DSG3: variants seen among roughly 807,000 people sequenced by gnomAD.
The protein encoded by DSG3 is desmoglein 3.
A neutral mutation model predicts 85.9 loss-of-function variants in DSG3; 63 were observed. The ratio of observed to expected loss-of-function variants is 0.73; its 90% CI spans 0.60 to 0.90. The LOEUF (loss-of-function observed/expected upper bound fraction) is 0.90. DSG3 is among the 40% of genes least tolerant of loss of function. The pLI is 0.00. For synonymous variants in DSG3, 447 were observed against 441.9 expected (o/e 1.01, Z -0.14); for missense variants, 1,220 against 1,219.9 (o/e 1.00, Z 0.00).
At chr18:31,472,892 A>G in intron 14 of DSG3, 104 bp downstream of exon 14, 1 of 1,036,860 alleles carries the variant, frequency 9.6e-7, no homozygotes, top group East Asian at 2.6e-5. Flanking sequence ...ATCTGTGTGC[A>G]CATGTCAGGA....
chr18:31,460,957 C>T lies in DSG3; in HGVS notation c.809C>T (p.Ser270Phe). Residue 270 changes from serine (S) to phenylalanine (F), a missense_variant, in exon 7 of 16, where the codon TCT (serine) becomes TTT (phenylalanine). Ser to Phe is a radical substitution (Grantham distance 155). Coordinates refer to ENST00000257189, the MANE Select transcript of DSG3 (RefSeq NM_001944.3). ...VNDNFPMFRDSQYSARIEENI... is the reference protein window; with the variant it reads ...VNDNFPMFRDFQYSARIEENI... ...GATAACTTCCCAATGTTTAGAGACT[C>T]TCAGGTACACCCATTGCTCCTTAAA... is the stretch of plus-strand genomic sequence containing the variant. 6.3e-7 allele frequency: 1 copy of T among 1,590,506 alleles called. No individual in the cohort carries two copies. Among genetic ancestry groups the T allele is most frequent in the Non-Finnish European group, 8.5e-7 (1 of 1,173,874 alleles).
intron 2 of DSG3, 105 bp from the exon 3 acceptor site, chr18:31,456,888 T>A (rs1375582708): frequency 9.5e-6 from 11 of 1,162,422 alleles, no homozygotes; most frequent in Non-Finnish European, 1.3e-5. Context: ...ACAGTCTTAG[T>A]GATCTTGAAA....
intron 11 of DSG3, 36 bp downstream of exon 11, chr18:31,466,790 C>A (rs770456090): frequency 6.5e-7 from 1 of 1,547,938 alleles, no homozygotes; most frequent in African/African-American, 1.4e-5. Flanking sequence ...TAAATGCAAA[C>A]TGCTCCTTTG....
chr18:31,463,343 C>A (rs1045711306), intron 8 of DSG3, among the ~76,000 whole-genome samples: 4 of 152,192 alleles, frequency 2.6e-5, no homozygotes, highest in African/African-American at 9.6e-5. Context: ...CCAGTCATTG[C>A]AAAGTTAAAA....
At chr18:31,458,656 G>A (rs1428082845) in intron 4 of DSG3, 56 bp downstream of exon 4, 44 of 1,553,200 alleles carry the variant, frequency 2.8e-5, no homozygotes, top group Non-Finnish European at 3.7e-5. Context: ...CATCGCTTTA[G>A]AAAGTGACAG....
In DSG3 at chr18:31,458,719, C is replaced by G. The variant is rs570916635; in HGVS notation, c.372+119C>G. On this transcript the variant is annotated intron_variant, in intron 4 of 15. Coordinates refer to ENST00000257189, the MANE Select transcript of DSG3 (RefSeq NM_001944.3). ...TTCAGTACATGCATCAGTCCACCAGCAAATAACAATATTAGTCCCTCCACA... is the reference window on the plus strand; with the variant it reads ...TTCAGTACATGCATCAGTCCACCAGGAAATAACAATATTAGTCCCTCCACA... The G allele has an allele frequency of 3.2e-4, 380 of 1,173,304 alleles. 2 individuals carry two copies. In the South Asian group the frequency reaches 5.7e-3, roughly 18 times the overall value. 72.7% of individuals were successfully genotyped at this position (1,173,304 alleles called of 1,614,324 possible). A position where few individuals can be genotyped will look rare whatever the true frequency, so the allele number is the denominator to read the frequency against.
chr18:31,447,783 G>T lies in DSG3; in HGVS notation c.-95G>T. On this transcript the variant is annotated 5_prime_UTR_variant, in exon 1 of 16. Transcript: ENST00000257189. ...GACTCCTTCGGAAAGCAGCAGAGAC[G>T]CTGCAGAGGGCTTTTCTTAGACATC... 7 of 1,014,296 alleles carry T rather than the reference G, an allele frequency of 6.9e-6. No homozygotes were observed. Among genetic ancestry groups the T allele is most frequent in the African/African-American group, 1.7e-5 (1 of 59,738 alleles). The allele number at this position is 1,014,296 out of a possible 1,614,324, so 62.8% of individuals were successfully genotyped here.
intron 1 of DSG3, among the ~76,000 whole-genome samples, chr18:31,455,628 A>T (rs575840212): frequency 2.2e-4 from 34 of 152,328 alleles, no homozygotes; most frequent in African/African-American, 7.9e-4. Flanking sequence ...AGGATGAGCA[A>T]TATTTAAGTG....
At chr18:31,456,529 A>G in intron 2 of DSG3, 54 bp downstream of exon 2, 1 of 1,019,428 alleles carries the variant, frequency 9.8e-7, no homozygotes, top group Non-Finnish European at 1.3e-6. Context: ...TTTAAAAAAA[A>G]ATTAAATTGT....
chr18:31,457,561 CTT>C (rs751447577), intron 3 of DSG3, among the ~76,000 whole-genome samples: 1 of 103,064 alleles, frequency 9.7e-6, no homozygotes. Flanking sequence ...TTCTTTCTTT[CTT>C]TCTTTCTTTC....
rs1355658653 is a variant in DSG3 at position 31,457,026 on chromosome 18, A to G, written c.118A>G (p.Met40Val). The change falls in exon 3 of 16, where the codon ATG (methionine) becomes GTG (valine). Residue 40 changes from methionine to valine, a missense_variant. Coordinates refer to ENST00000257189, the MANE Select transcript of DSG3 (RefSeq NM_001944.3). The part of the protein sequence containing the change: ...KGQYDEEEMT[M>V]QQAKRRQKRE... ...TCAATATGATGAAGAAGAGATGACTATGCAACAAGCTAAAAGAAGGCAAAA... is the reference window on the plus strand; with the variant it reads ...TCAATATGATGAAGAAGAGATGACTGTGCAACAAGCTAAAAGAAGGCAAAA... 3 of 1,613,414 alleles carry G rather than the reference A, an allele frequency of 1.9e-6. No individual in the cohort carries two copies. Among genetic ancestry groups the G allele is most frequent in the Non-Finnish European group, 2.5e-6 (3 of 1,179,676 alleles).
intron 8 of DSG3, among the ~76,000 whole-genome samples, chr18:31,462,462 G>T (rs1416424761): frequency 6.6e-6 from 1 of 152,124 alleles, no homozygotes; most frequent in Non-Finnish European, 1.5e-5. Context: ...TTAACAAGGG[G>T]GCTGCTGAAA....
intron 2 of DSG3, 86 bp from the exon 3 acceptor site, chr18:31,456,907 G>C: frequency 7.3e-7 from 1 of 1,368,260 alleles, no homozygotes; most frequent in East Asian, 2.4e-5. Context: ...AACATAGGGG[G>C]TTCCTCAACT....
In DSG3 at chr18:31,476,284, C is replaced by A; in HGVS notation, c.*24C>A. 1 of 1,574,566 alleles carries A rather than the reference C, an allele frequency of 6.4e-7. No individual in the cohort carries two copies. Among genetic ancestry groups the A allele is most frequent in the Non-Finnish European group, 8.6e-7 (1 of 1,160,548 alleles). ...GACCAGAATGAGCTGGAATACCACA[C>A]TGACCAAATCTGGATCTTTGGACTA... On this transcript the variant is annotated 3_prime_UTR_variant, in exon 16 of 16. Coordinates refer to ENST00000257189, the MANE Select transcript of DSG3 (RefSeq NM_001944.3).
intron 1 of DSG3, 148 bp downstream of exon 1, chr18:31,448,073 C>T (rs1018091973): frequency 1.2e-5 from 6 of 493,642 alleles, no homozygotes; most frequent in African/African-American, 4.8e-5. Context: ...TGAAGATTAC[C>T]AATTTCCTTC....
At chr18:31,475,220 T>C (rs2072878977) in intron 15 of DSG3, among the ~76,000 whole-genome samples, 3 of 152,234 alleles carry the variant, frequency 2.0e-5, no homozygotes, top group Admixed American at 2.0e-4. Context: ...TTAGAATGGA[T>C]CTCACATTGA....
In DSG3 at chr18:31,476,199, C is replaced by A; in HGVS notation, c.2939C>A (p.Thr980Lys). ...GTTCCTGGCAACCTAGCTGGCCCAACGCAGCTACGAGGGTCACATACTATG... is the reference window on the plus strand; with the variant it reads ...GTTCCTGGCAACCTAGCTGGCCCAAAGCAGCTACGAGGGTCACATACTATG... ...SSVPGNLAGP[T>K]QLRGSHTMLC... Residue 980 changes from threonine (T) to lysine (K), a missense_variant, in exon 16 of 16, where the codon ACG (threonine) becomes AAG (lysine). By Grantham distance (78) the Thr-to-Lys change is moderately conservative. Transcript: ENST00000257189. 1 of 1,614,146 alleles carries A rather than the reference C, an allele frequency of 6.2e-7. No homozygotes were observed. The highest frequency in any genetic ancestry group is 8.5e-7 in the Non-Finnish European group (1 of 1,179,994).
At chr18:31,465,088 GCACTCCAGC>G (rs2072809351) in intron 9 of DSG3, among the ~76,000 whole-genome samples, 1 of 149,922 alleles carries the variant, frequency 6.7e-6, no homozygotes, top group East Asian at 2.0e-4. Context: ...TGGCACCATT[GCACTCCAGC>G]CCGGGCAACA....
intron 8 of DSG3, 46 bp from the exon 9 acceptor site, chr18:31,464,065 G>C: frequency 6.4e-7 from 1 of 1,567,482 alleles, no homozygotes; most frequent in African/African-American, 1.4e-5. Flanking sequence ...GGGTTTGCGG[G>C]AGTGTATTTT....
Sources: allele counts gnomAD v4.1 joint callset (sites outside exome capture counted in the v4.1 genomes callset), GRCh38; gene constraint gnomAD v4.1.1; transcripts MANE v1.5; gene names NCBI Gene and HGNC (gene_info 2026-07-23, HGNC 2026-07-21).